Variants in PLA2G4A observed in about 807,000 individuals in gnomAD.
The protein encoded by PLA2G4A is phospholipase A2 group IVA.
PLA2G4A carries 40 observed loss-of-function variants against 81.9 expected under a neutral mutation model. The ratio of observed to expected loss-of-function variants is 0.49; its 90% confidence interval spans 0.38 to 0.64. The LOEUF is 0.64. Among genes scored for constraint, PLA2G4A ranks in the 30% least tolerant of loss-of-function variants. The pLI, the probability that PLA2G4A is intolerant of heterozygous loss-of-function variation, is 0.00. For synonymous variants in PLA2G4A, 302 were observed against 296.9 expected, an observed-to-expected ratio of 1.02 and a Z score of -0.18; for missense variants, 715 against 905.1, an observed-to-expected ratio of 0.79 and a Z score of 2.69.
intron 3 of PLA2G4A, among the ~76,000 whole-genome samples, chr1:186,874,948 G>A (rs1653413452): frequency 6.6e-6 from 1 of 152,040 alleles, no homozygotes; most frequent in African/African-American, 2.4e-5. Context: ...TTAAAGGGTT[G>A]TGCCATTTGC....
chr1:186,928,047 G>C (rs529928219), intron 7 of PLA2G4A, among the ~76,000 whole-genome samples: 1 of 152,124 alleles, frequency 6.6e-6, no homozygotes, highest in Admixed American at 6.5e-5. Flanking sequence ...GCTTGCAAAG[G>C]TCAGGTTTCA....
chr1:186,985,655 T>C (rs1469512929), intron 17 of PLA2G4A, among the ~76,000 whole-genome samples: 1 of 152,178 alleles, frequency 6.6e-6, no homozygotes, highest in Admixed American at 6.5e-5. Context: ...TTGTTTTTCT[T>C]ATTCTCTGCT....
chr1:186,983,583 T>C (rs1017502627), intron 17 of PLA2G4A, among the ~76,000 whole-genome samples: 1 of 152,224 alleles, frequency 6.6e-6, no homozygotes, highest in Non-Finnish European at 1.5e-5. Flanking sequence ...GCTCACGTCA[T>C]GACAGCGGCC....
chr1:186,971,062 A>G (rs565903025), intron 15 of PLA2G4A, among the ~76,000 whole-genome samples: 1 of 151,676 alleles, frequency 6.6e-6, no homozygotes, highest in Admixed American at 6.6e-5. Context: ...TTTAATTTTT[A>G]TTTTATTCTT....
intron 2 of PLA2G4A, among the ~76,000 whole-genome samples, chr1:186,856,291 G>A (rs1571337548): frequency 2.3e-5 from 1 of 43,654 alleles, no homozygotes; most frequent in Admixed American, 2.6e-4. Flanking sequence ...GAAATCTTGT[G>A]TGTATATATA....
chr1:186,925,944 G>T (rs1195044690), intron 7 of PLA2G4A, among the ~76,000 whole-genome samples: 3 of 152,176 alleles, frequency 2.0e-5, no homozygotes, highest in Admixed American at 6.5e-5. Flanking sequence ...TGAATATTTT[G>T]TTGCATGCAT....
chr1:186,886,648 A>T (rs776820769), intron 3 of PLA2G4A, among the ~76,000 whole-genome samples: 2 of 152,206 alleles, frequency 1.3e-5, no homozygotes, highest in African/African-American at 2.4e-5. Context: ...ACATTTGAAG[A>T]GCAGTCCATC....
At chr1:186,917,409 G>A (rs1655178981) in intron 7 of PLA2G4A, among the ~76,000 whole-genome samples, 1 of 152,138 alleles carries the variant, frequency 6.6e-6, no homozygotes, top group South Asian at 2.1e-4. Flanking sequence ...TAGAAGGAGT[G>A]CATCTAATTT....
At chr1:186,851,507 C>T (rs1652370173) in intron 1 of PLA2G4A, among the ~76,000 whole-genome samples, 1 of 151,964 alleles carries the variant, frequency 6.6e-6, no homozygotes, top group African/African-American at 2.4e-5. Flanking sequence ...TGGATTCTGA[C>T]TTGGGAACGG....
At chr1:186,848,866 C>T (rs768027671) in intron 1 of PLA2G4A, among the ~76,000 whole-genome samples, 43 of 151,956 alleles carry the variant, frequency 2.8e-4, no homozygotes, top group Admixed American at 1.2e-3. Flanking sequence ...AGTCTCTATC[C>T]AAGTCTTGCT....
At chr1:186,913,794 C>T (rs906291731) in intron 7 of PLA2G4A, among the ~76,000 whole-genome samples, 2 of 151,938 alleles carry the variant, frequency 1.3e-5, no homozygotes, top group African/African-American at 2.4e-5. Flanking sequence ...GAGATTATTG[C>T]AAATTAAGGG....
intron 1 of PLA2G4A, among the ~76,000 whole-genome samples, chr1:186,834,020 T>C (rs537879302): frequency 6.6e-6 from 1 of 152,346 alleles, no homozygotes; most frequent in Admixed American, 6.5e-5. Flanking sequence ...CTTCATTTGC[T>C]TGACTTCTGG....
chr1:186,966,284 G>A (rs577487465), intron 15 of PLA2G4A, among the ~76,000 whole-genome samples: 3 of 151,920 alleles, frequency 2.0e-5, no homozygotes, highest in Non-Finnish European at 4.4e-5. Context: ...GCTAGGAGTC[G>A]TTAATGAAGA....
chr1:186,917,465 C>T (rs1043819824), intron 7 of PLA2G4A, among the ~76,000 whole-genome samples: 3 of 152,160 alleles, frequency 2.0e-5, no homozygotes, highest in Non-Finnish European at 4.4e-5. Flanking sequence ...AATCCTGTTT[C>T]CTGACATACT....
rs1553223839 is a variant in PLA2G4A at position 186,983,095 on chromosome 1, A to AAAAG, written c.2118+3626_2118+3627insGAAA. Reference sequence around the variant, plus strand: ...CAAGAGTCTGTCTCAAAAAAAAAAAAAAAAGAAAAGAAAAGAAAAGAAAAC... The same window carrying AAAAG: ...CAAGAGTCTGTCTCAAAAAAAAAAAAAAAGAAAAGAAAAGAAAAGAAAAGAAAAC... On this transcript the variant is annotated intron_variant, in intron 17 of 17. Transcript: ENST00000367466. Among the ~76,000 whole-genome samples, 397 of 149,168 alleles carry AAAAG rather than the reference A, an allele frequency of 2.7e-3. 3 individuals carry two copies. Among genetic ancestry groups the AAAAG allele is most frequent in the African/African-American group, 8.9e-3 (356 of 40,062 alleles).
chr1:186,845,342 T>C (rs1652134239), intron 1 of PLA2G4A, among the ~76,000 whole-genome samples: 1 of 152,212 alleles, frequency 6.6e-6, no homozygotes, highest in Admixed American at 6.5e-5. Context: ...TTTGTACATT[T>C]ATGGCCTTCT....
chr1:186,968,311 G>A (rs921122569), intron 15 of PLA2G4A, among the ~76,000 whole-genome samples: 13 of 151,872 alleles, frequency 8.6e-5, no homozygotes, highest in Non-Finnish European at 1.8e-4. Flanking sequence ...CTTGTAAAAT[G>A]TATGAACATT....
intron 1 of PLA2G4A, among the ~76,000 whole-genome samples, chr1:186,843,847 T>C (rs554073840): frequency 7.9e-5 from 12 of 152,370 alleles, no homozygotes; most frequent in South Asian, 2.1e-4. Context: ...CCATTTTCTC[T>C]GAAGCCGTTT....
At chr1:186,850,570 A>G (rs1357803404) in intron 1 of PLA2G4A, among the ~76,000 whole-genome samples, 1 of 152,152 alleles carries the variant, frequency 6.6e-6, no homozygotes, top group African/African-American at 2.4e-5. Flanking sequence ...CTAGGTAGAT[A>G]GTAAAGATGT....
Sources: gnomAD v4.1 joint callset for allele counts (sites outside exome capture counted in the v4.1 genomes callset) on GRCh38, gnomAD v4.1.1 for gene constraint, MANE v1.5 for transcripts, NCBI Gene and HGNC (gene_info 2026-07-23, HGNC 2026-07-21) for gene names.